The following HEPH variants were observed in gnomAD, a reference collection of about 807,000 sequenced individuals.
HEPH encodes the protein hephaestin.
A neutral mutation model predicts 80.8 loss-of-function variants in HEPH; 69 were observed. That is an observed-to-expected ratio of 0.85 (90% CI 0.70 to 1.04). The LOEUF is 1.04. Among genes scored for constraint, HEPH ranks in the 50% least tolerant of loss-of-function variants. The pLI, the probability that HEPH is intolerant of heterozygous loss-of-function variation, is 0.00. For synonymous variants in HEPH, 431 were observed against 322.8 expected, an observed-to-expected ratio of 1.34 and a Z score of -3.60; for missense variants, 1,115 against 891.3, an observed-to-expected ratio of 1.25 and a Z score of -3.20.
intron 20 of HEPH, among the ~76,000 whole-genome samples, chrX:66,264,593 A>G (rs1485911668): frequency 9.2e-6 from 1 of 108,773 alleles, no homozygotes; most frequent in Non-Finnish European, 1.9e-5. Context: ...TATGAGAGCT[A>G]AAAGGAACAT....
intron 20 of HEPH, 98 bp from the exon 21 acceptor site, chrX:66,266,342 T>C (rs1379399915): frequency 3.4e-6 from 2 of 595,141 alleles, no homozygotes; most frequent in Non-Finnish European, 5.4e-6. Flanking sequence ...TCCTGTCCTA[T>C]TTGGATTGAC....
chrX:66,253,150 C>T (rs974687461), intron 15 of HEPH, among the ~76,000 whole-genome samples: 2 of 112,106 alleles, frequency 1.8e-5, no homozygotes, highest in African/African-American at 6.5e-5. Flanking sequence ...AGTGAAAAGA[C>T]AATCCACAGG....
intron 6 of HEPH, 93 bp from the exon 7 acceptor site, chrX:66,192,037 G>A: frequency 1.1e-6 from 1 of 893,387 alleles, no homozygotes; most frequent in Non-Finnish European, 1.6e-6. Flanking sequence ...TGGAGGGTGG[G>A]TGGAGGAAAC....
At chrX:66,208,512 G>A (rs1341233571) in intron 15 of HEPH, among the ~76,000 whole-genome samples, 4 of 104,246 alleles carry the variant, frequency 3.8e-5, no homozygotes, top group Admixed American at 2.1e-4. Context: ...TCAGCTACTC[G>A]GGAGGTTTAG....
chrX:66,245,295 C>A (rs1414040529), intron 15 of HEPH, among the ~76,000 whole-genome samples: 7 of 110,701 alleles, frequency 6.3e-5, no homozygotes, highest in Admixed American at 4.8e-4. Flanking sequence ...ATCTACCAAG[C>A]AAATGGAAAA....
chrX:66,200,788 T>G lies in HEPH; in HGVS notation c.2077+36T>G, dbSNP rs1461850782. 3.7e-6 allele frequency: 4 copies of G among 1,095,144 alleles called. No homozygotes were observed. The African/African-American group carries it at 7.3e-5, about 20-fold the overall frequency. The allele number at this position is 1,095,144 out of a possible 1,213,427, so 90.3% of individuals were successfully genotyped here. On this transcript the variant is annotated intron_variant, in intron 12 of 20. Transcript: ENST00000343002. ...TAGCAGCTGGCCCTAGAGGCTTTGT[T>G]GGGTATAGGGCCAGGAATGGGGTCG...
rs572730831 is a variant in HEPH, at chrX:66,205,107, G to C, written c.2291+1530G>C. Among the ~76,000 whole-genome samples the C allele has an allele frequency of 4.5e-5, 5 of 111,462 alleles. No homozygotes were observed. In the South Asian group the frequency reaches 1.9e-3, roughly 42 times the overall value. ...CCTTTAGTAATCCCCAGTGTCTCTT[G>C]TTAAATCTTTCTTTTAATTAATTTC... On this transcript the variant is annotated intron_variant, in intron 13 of 20. Coordinates refer to ENST00000343002, the MANE Select transcript of HEPH (RefSeq NM_001367233.3).
At chrX:66,236,279 A>G (rs1222107343) in intron 15 of HEPH, among the ~76,000 whole-genome samples, 1 of 111,381 alleles carries the variant, frequency 9.0e-6, no homozygotes, top group African/African-American at 3.3e-5. Flanking sequence ...TTATTTTGAG[A>G]TATGTTACCT....
Position 66,266,820 on chromosome X carries a change from T to C in HEPH, c.*148T>C. The C allele has an allele frequency of 4.6e-6, 2 of 436,294 alleles. No homozygotes were observed. Among genetic ancestry groups the C allele is most frequent in the Non-Finnish European group, 7.9e-6 (2 of 251,712 alleles). The allele number at this position is 436,294 out of a possible 1,213,427, so 36.0% of individuals were successfully genotyped here. On this transcript the variant is annotated 3_prime_UTR_variant, in exon 21 of 21. Coordinates refer to ENST00000343002, the MANE Select transcript of HEPH (RefSeq NM_001367233.3). ...AAGCTTATCTGGATATTTCTTTCTT[T>C]ATTTATTTTACATGGAAATAATATG...
chrX:66,190,020 G>T, intron 6 of HEPH, 82 bp downstream of exon 6: 3 of 1,000,675 alleles, frequency 3.0e-6, no homozygotes, highest in Admixed American at 6.6e-5. Context: ...CTGGCCTGAA[G>T]CCATAAATAA....
chrX:66,176,530 G>T (rs771318008), intron 4 of HEPH, among the ~76,000 whole-genome samples: 2 of 110,859 alleles, frequency 1.8e-5, no homozygotes, highest in African/African-American at 6.5e-5. Context: ...TTAAGTTTTA[G>T]GGTACATGTG....
At chrX:66,171,107 C>T (rs762295415) in intron 2 of HEPH, 45 of 321,274 alleles carry the variant, frequency 1.4e-4, no homozygotes, top group South Asian at 6.5e-4. Flanking sequence ...TTTGGTGAAG[C>T]TACTGTATAT....
chrX:66,237,821 A>G (rs2090422128), intron 15 of HEPH, among the ~76,000 whole-genome samples: 1 of 112,206 alleles, frequency 8.9e-6, no homozygotes, highest in South Asian at 3.6e-4. Context: ...TTGGATGCAT[A>G]TATATTTGGG....
At chrX:66,180,463 T>A (rs2087058595) in intron 4 of HEPH, among the ~76,000 whole-genome samples, 1 of 111,454 alleles carries the variant, frequency 9.0e-6, no homozygotes, top group South Asian at 3.7e-4. Flanking sequence ...GTAGAGTTTC[T>A]GCTGAGAAAT....
At chrX:66,232,895 G>C (rs949056966) in intron 15 of HEPH, among the ~76,000 whole-genome samples, 2 of 109,983 alleles carry the variant, frequency 1.8e-5, no homozygotes, top group Admixed American at 1.9e-4. Flanking sequence ...CTCTGTCATA[G>C]TGATGTGTGA....
At chrX:66,179,384 C>A (rs1484841695) in intron 4 of HEPH, among the ~76,000 whole-genome samples, 1 of 111,596 alleles carries the variant, frequency 9.0e-6, no homozygotes, top group Non-Finnish European at 1.9e-5. Context: ...TAGCGTCATG[C>A]CTCCAGCTTT....
At chrX:66,203,075 G>C (rs953308177) in intron 12 of HEPH, among the ~76,000 whole-genome samples, 1 of 109,166 alleles carries the variant, frequency 9.2e-6, no homozygotes. Context: ...GGGACTTACA[G>C]TGCTAAAACT....
At chrX:66,256,916 G>T (rs189480367) in intron 17 of HEPH, among the ~76,000 whole-genome samples, 213 of 112,043 alleles carry the variant, frequency 1.9e-3, no homozygotes, top group Non-Finnish European at 2.8e-3. Flanking sequence ...GAGAAATTGT[G>T]CATCAAAGCC....
intron 15 of HEPH, among the ~76,000 whole-genome samples, chrX:66,234,561 C>A (rs2090283578): frequency 9.1e-6 from 1 of 109,828 alleles, no homozygotes; most frequent in African/African-American, 3.4e-5. Context: ...CTTTTCTCTG[C>A]AATCTTGCCA....
Sources: gnomAD v4.1 joint callset for allele counts (sites outside exome capture counted in the v4.1 genomes callset) on GRCh38, gnomAD v4.1.1 for gene constraint, MANE v1.5 for transcripts, NCBI Gene and HGNC (gene_info 2026-07-23, HGNC 2026-07-21) for gene names.